Variants in FGD3 observed in about 807,000 individuals in gnomAD.
FGD3 encodes the protein FYVE, RhoGEF and PH domain-containing protein 3.
In FGD3, 45 loss-of-function variants were observed where a neutral mutation model predicts 71.8. The ratio of observed to expected loss-of-function variants is 0.63; its 90% CI spans 0.49 to 0.80. The LOEUF is 0.80. Among genes scored for constraint, FGD3 ranks in the 30% least tolerant of loss-of-function variants. The pLI is 0.00. For missense variants in FGD3, 844 were observed against 951.5 expected (o/e 0.89, Z 1.49); for synonymous variants, 378 against 392.8 (o/e 0.96, Z 0.44).
intron 6 of FGD3, among the ~76,000 whole-genome samples, chr9:93,006,794 T>C (rs969679183): frequency 3.9e-5 from 6 of 151,910 alleles, no homozygotes; most frequent in Admixed American, 1.3e-4. Context: ...TGGCACGATC[T>C]CGGCTCACTG....
At chr9:93,010,998 CT>C (rs1456772451) in intron 7 of FGD3, among the ~76,000 whole-genome samples, 1 of 152,046 alleles carries the variant, frequency 6.6e-6, no homozygotes, top group Non-Finnish European at 1.5e-5. Context: ...TGGGAGCCCC[CT>C]GCCTGGTATT....
In FGD3 at chr9:93,019,789, T is replaced by C. The variant is rs377265510; in HGVS notation, c.1356-42T>C. On this transcript the variant is annotated intron_variant, in intron 11 of 17. Transcript: ENST00000375482. ...GAGAGGGCTGGTCATTTAGAGTCAG[T>C]ATCCAAGACTGGATTAATACAAGAC... 3.9e-4 allele frequency: 616 copies of C among 1,591,542 alleles called. 1 individual carries two copies. Among genetic ancestry groups the C allele is most frequent in the Non-Finnish European group, 5.1e-4 (589 of 1,159,578 alleles).
intron 6 of FGD3, among the ~76,000 whole-genome samples, chr9:93,008,542 G>A (rs906395147): frequency 6.6e-6 from 1 of 152,136 alleles, no homozygotes; most frequent in Non-Finnish European, 1.5e-5. Flanking sequence ...TTTTCCTGGA[G>A]TGAGGCTGTG....
chr9:93,027,715 CTTTT>C (rs1199094054), intron 14 of FGD3, among the ~76,000 whole-genome samples: 7,802 of 101,598 alleles, frequency 0.077, 83 homozygotes, highest in East Asian at 0.14. Flanking sequence ...TTCTTTCTTT[CTTTT>C]TTTTTTTTTT....
chr9:93,020,322 C>T lies in FGD3; in HGVS notation c.1392C>T (p.Ile464=). The change falls in exon 13 of 18, where the codon ATC becomes ATT. Residue 464 remains isoleucine, a synonymous_variant. Coordinates refer to ENST00000375482, the MANE Select transcript of FGD3 (RefSeq NM_001083536.2). ...EEEKKEWIQI[I]QATIEKHKQN... Reference sequence around the variant, plus strand: ...TGTTGTGTTGCTGTGTCCAGATCATCCAGGCCACCATCGAGAAGCACAAAC... The same window carrying T: ...TGTTGTGTTGCTGTGTCCAGATCATTCAGGCCACCATCGAGAAGCACAAAC... 2.5e-6 allele frequency: 4 copies of T among 1,611,302 alleles called. No individual in the cohort carries two copies. The highest frequency in any genetic ancestry group is 3.4e-6 in the Non-Finnish European group (4 of 1,178,858).
chr9:93,002,613 C>G (rs2118695116), intron 3 of FGD3, among the ~76,000 whole-genome samples: 1 of 152,196 alleles, frequency 6.6e-6, no homozygotes, highest in Middle Eastern at 3.4e-3. Flanking sequence ...GTGCTCTGGC[C>G]CATATATTGT....
rs756396523 is a variant in FGD3, at chr9:93,006,036, A to G, written c.693A>G (p.Pro231=). The change falls in exon 6 of 18, where the codon CCA becomes CCG. Residue 231 remains proline, a synonymous_variant. Coordinates refer to ENST00000375482, the MANE Select transcript of FGD3 (RefSeq NM_001083536.2). ...TRITEEWDTN[P]RLGDILQKLA... is the part of the protein sequence containing the mutation. ...TTTCTCCACGAAGGGACACAAACCCACGGCTCGGGGACATCCTGCAGAAGC... is the reference window on the plus strand; with the variant it reads ...TTTCTCCACGAAGGGACACAAACCCGCGGCTCGGGGACATCCTGCAGAAGC... 1.0e-5 allele frequency: 16 copies of G among 1,604,482 alleles called. No homozygotes were observed. Among genetic ancestry groups the G allele is most frequent in the Middle Eastern group, 3.3e-4 (2 of 6,052 alleles).
intron 1 of FGD3, among the ~76,000 whole-genome samples, chr9:92,958,507 G>A (rs569096581): frequency 2.6e-5 from 4 of 152,254 alleles, no homozygotes; most frequent in South Asian, 2.1e-4. Context: ...GCCTTTTCAC[G>A]TTCCTAATGG....
intron 8 of FGD3, among the ~76,000 whole-genome samples, chr9:93,013,433 G>A (rs4072566): frequency 0.046 from 7,061 of 152,254 alleles, 247 homozygotes; most frequent in South Asian, 0.15. Context: ...GGTTACCCAT[G>A]TGACCACCCC....
intron 1 of FGD3, among the ~76,000 whole-genome samples, chr9:92,954,932 C>T (rs559792400): frequency 6.6e-6 from 1 of 152,282 alleles, no homozygotes; most frequent in East Asian, 1.9e-4. Context: ...CTTGGAGCAT[C>T]GTTGCCTGCA....
chr9:93,005,103 T>G (rs1861002708), intron 5 of FGD3, among the ~76,000 whole-genome samples: 1 of 151,944 alleles, frequency 6.6e-6, no homozygotes, highest in African/African-American at 2.4e-5. Flanking sequence ...AGGGGTCCAA[T>G]GACTTAGCCA....
chr9:93,022,510 C>T, intron 14 of FGD3, 121 bp downstream of exon 14: 3 of 1,023,986 alleles, frequency 2.9e-6, no homozygotes, highest in Non-Finnish European at 4.3e-6. Flanking sequence ...AGGCGGAGGG[C>T]TGAGGGGCCA....
chr9:93,033,155 G>A lies in FGD3; in HGVS notation c.1785+282G>A, dbSNP rs1862425047. On this transcript the variant is annotated intron_variant, in intron 16 of 17. Coordinates refer to ENST00000375482, the MANE Select transcript of FGD3 (RefSeq NM_001083536.2). ...GTCACTCCTGGTCACCTGGTTGGAG[G>A]GCATGGATTGAAGCTGCCCTCAAGT... is the stretch of plus-strand genomic sequence containing the variant. 10 of 485,008 alleles carry A rather than the reference G, an allele frequency of 2.1e-5. No individual in the cohort carries two copies. In the Admixed American group the frequency reaches 3.1e-4, roughly 15 times the overall value. 30.0% of individuals were successfully genotyped at this position (485,008 alleles called of 1,614,324 possible).
chr9:92,974,165 T>C (rs1215939352), intron 1 of FGD3, among the ~76,000 whole-genome samples: 1 of 152,174 alleles, frequency 6.6e-6, no homozygotes, highest in Non-Finnish European at 1.5e-5. Context: ...AGAAGCATAA[T>C]TCCCCCGAGA....
At chr9:92,993,232 G>A (rs1306731281) in intron 3 of FGD3, among the ~76,000 whole-genome samples, 4 of 152,084 alleles carry the variant, frequency 2.6e-5, no homozygotes, top group East Asian at 1.9e-4. Context: ...CCTGAGTAGG[G>A]GGGACTGTAG....
At chr9:92,998,105 C>T (rs1242626925) in intron 3 of FGD3, among the ~76,000 whole-genome samples, 5 of 152,230 alleles carry the variant, frequency 3.3e-5, no homozygotes, top group African/African-American at 9.6e-5. Flanking sequence ...TTCAGGTACA[C>T]CAATCAGACA....
chr9:93,016,084 C>G lies in FGD3; in HGVS notation c.1275+255C>G, dbSNP rs1401528040. Among the ~76,000 whole-genome samples the G allele has an allele frequency of 2.0e-5, 3 of 152,144 alleles. No homozygotes were observed. The East Asian group carries it at 5.8e-4, about 29-fold the overall frequency. On this transcript the variant is annotated intron_variant, in intron 10 of 17. Transcript: ENST00000375482. ...CTGCCAACTCCCCTTTCTGCAGAGC[C>G]TTGGAGGATGCAGGGGGCAGTAGGG...
chr9:93,006,949 G>A (rs919972237), intron 6 of FGD3, among the ~76,000 whole-genome samples: 12 of 151,446 alleles, frequency 7.9e-5, no homozygotes, highest in Non-Finnish European at 1.3e-4. Flanking sequence ...GGATGGTCTC[G>A]ATCTCCTGAC....
intron 14 of FGD3, among the ~76,000 whole-genome samples, chr9:93,028,208 A>ACACACACACG (rs1244902993): frequency 2.0e-4 from 21 of 103,402 alleles, no homozygotes; most frequent in African/African-American, 9.7e-4. Context: ...ACACACACAC[A>ACACACACACG]CACACACACG....
Sources: gnomAD v4.1 joint callset for allele counts (sites outside exome capture counted in the v4.1 genomes callset) on GRCh38, gnomAD v4.1.1 for gene constraint, MANE v1.5 for transcripts, NCBI Gene and HGNC (gene_info 2026-07-23, HGNC 2026-07-21) for gene names.